MCM3AP: variants seen among roughly 807,000 people sequenced by gnomAD.
The protein encoded by MCM3AP is minichromosome maintenance complex component 3 associated protein, also known as germinal-center associated nuclear protein.
MCM3AP carries 126 observed loss-of-function variants against 184.1 expected under a neutral mutation model. The ratio of observed to expected loss-of-function variants is 0.68; its 90% CI spans 0.59 to 0.79. The LOEUF (loss-of-function observed/expected upper bound fraction) is 0.79. MCM3AP is among the 30% of genes least tolerant of loss of function. MCM3AP has a pLI of 0.00. For missense variants in MCM3AP, 2,496 were observed against 2,479.2 expected, an observed-to-expected ratio of 1.01 and a Z score of -0.14; for synonymous variants, 1,002 against 979.3, an observed-to-expected ratio of 1.02 and a Z score of -0.43.
chr21:46,265,827 G>T, intron 11 of MCM3AP, 98 bp downstream of exon 11: 1 of 1,416,342 alleles, frequency 7.1e-7, no homozygotes, highest in Non-Finnish European at 9.5e-7. Flanking sequence ...GCTCCTGGGA[G>T]GCGTCCTGGC....
intron 26 of MCM3AP, among the ~76,000 whole-genome samples, chr21:46,240,223 A>G (rs1337642127): frequency 1.3e-5 from 2 of 152,192 alleles, no homozygotes; most frequent in Non-Finnish European, 2.9e-5. Context: ...GTTCGTTTCC[A>G]GCAACAAGAG....
chr21:46,243,512 T>C lies in MCM3AP; in HGVS notation c.5249A>G (p.Asn1750Ser). The part of the protein sequence containing the change: ...PWDDLIALCI[N>S]HKLRDWTPPR... Reference sequence around the variant, plus strand: ...GGGCGTCCAGTCTCTCAGCTTGTGGTTGATACACAAGGCGATAAGATCATC... The same window carrying C: ...GGGCGTCCAGTCTCTCAGCTTGTGGCTGATACACAAGGCGATAAGATCATC... The change falls in exon 24 of 28, where the codon AAC becomes AGC. Residue 1750 changes from asparagine to serine, a missense_variant. By Grantham distance (46) the Asn-to-Ser change is conservative. Around this residue, in one of 5 missense-constraint regions of MCM3AP, gnomAD observed 1,323 missense variants for 1,273.4 expected, o/e 1.04. Transcript: ENST00000291688. 1 of 1,614,152 alleles carries C rather than the reference T, an allele frequency of 6.2e-7. No individual in the cohort carries two copies. Among genetic ancestry groups the C allele is most frequent in the Non-Finnish European group, 8.5e-7 (1 of 1,179,986 alleles).
intron 7 of MCM3AP, 53 bp downstream of exon 7, chr21:46,273,335 G>C: frequency 2.0e-6 from 3 of 1,501,214 alleles, no homozygotes; most frequent in South Asian, 1.1e-5. Flanking sequence ...ATATCAGTTT[G>C]ACTTTGGAAT....
intron 14 of MCM3AP, 98 bp from the exon 15 acceptor site, chr21:46,261,004 T>C (rs2081034226): frequency 9.7e-7 from 1 of 1,026,704 alleles, no homozygotes; most frequent in Non-Finnish European, 1.5e-6. Context: ...GATTGAGGTG[T>C]GCTGCCTGAG....
chr21:46,240,641 T>C (rs2080644949), intron 26 of MCM3AP, among the ~76,000 whole-genome samples, 170 bp downstream of exon 26: 1 of 152,388 alleles, frequency 6.6e-6, no homozygotes, highest in African/African-American at 2.4e-5. Flanking sequence ...TCTAGGGCAC[T>C]GCTTCTGTCT....
intron 11 of MCM3AP, among the ~76,000 whole-genome samples, 165 bp from the exon 12 acceptor site, chr21:46,265,688 A>G (rs924887272): frequency 1.3e-5 from 2 of 152,166 alleles, no homozygotes; most frequent in African/African-American, 4.8e-5. Context: ...GCTTTGCATG[A>G]AAAACAAGCC....
chr21:46,273,601 C>T lies in MCM3AP; in HGVS notation c.1999-16G>A, dbSNP rs373054558. On this transcript the variant is annotated splice_polypyrimidine_tract_variant and intron_variant, in intron 6 of 27. Transcript: ENST00000291688. ...CGTGGTCCACCTAGAGACATGAAGC[C>T]GAGACAGGATGCCCATGTGGCATAC... is the stretch of plus-strand genomic sequence containing the variant. 56 of 1,610,574 alleles carry T rather than the reference C, an allele frequency of 3.5e-5. No homozygotes were observed. Among genetic ancestry groups the T allele is most frequent in the Non-Finnish European group, 4.3e-5 (51 of 1,177,806 alleles).
chr21:46,264,637 G>C (rs1486808497), intron 12 of MCM3AP, among the ~76,000 whole-genome samples: 2 of 152,112 alleles, frequency 1.3e-5, no homozygotes, highest in Admixed American at 1.3e-4. Context: ...TGCCCACCCT[G>C]AGGCCACAAC....
At chr21:46,277,200 A>C (rs1044035357) in intron 5 of MCM3AP, among the ~76,000 whole-genome samples, 1 of 152,190 alleles carries the variant, frequency 6.6e-6, no homozygotes, top group East Asian at 1.9e-4. Flanking sequence ...GTAACAGTGT[A>C]AGAATGCCCT....
chr21:46,279,893 T>A, intron 4 of MCM3AP, 100 bp downstream of exon 4: 2 of 1,244,320 alleles, frequency 1.6e-6, no homozygotes, highest in Non-Finnish European at 2.2e-6. Flanking sequence ...TTTTGTCTCC[T>A]CACCACTCCC....
chr21:46,264,300 T>G, intron 12 of MCM3AP, 83 bp from the exon 13 acceptor site: 1 of 842,660 alleles, frequency 1.2e-6, no homozygotes. Context: ...CCGGACAGTC[T>G]GCAGGCGTCT....
intron 4 of MCM3AP, among the ~76,000 whole-genome samples, chr21:46,278,539 A>G (rs2081282982): frequency 6.6e-6 from 1 of 152,244 alleles, no homozygotes; most frequent in African/African-American, 2.4e-5. Context: ...CTTTGAGAAC[A>G]GAGTTCCCCA....
At position 46,254,791 on chromosome 21, in the gene MCM3AP, T is replaced by G; in HGVS notation, c.3986A>C (p.Tyr1329Ser). 6.2e-7 allele frequency: 1 copy of G among 1,613,926 alleles called. No homozygotes were observed. The highest frequency in any genetic ancestry group is 8.5e-7 in the Non-Finnish European group (1 of 1,179,888). Residue 1329 changes from tyrosine to serine, a missense_variant, in exon 18 of 28, where the codon TAC becomes TCC. This residue lies in a region of MCM3AP where 1,323 missense variants were observed against 1,273.4 expected (regional missense o/e 1.04). Coordinates refer to ENST00000291688, the MANE Select transcript of MCM3AP (RefSeq NM_003906.5). ...CATGACAGACCTCAGCAGCTGCTGG[T>G]AGAAGTGCTGAACCTTCATCTGGTG... is the stretch of plus-strand genomic sequence containing the variant. ...TAHQMKVQHFYQQLLSDVAWA... is the reference protein window; with the variant it reads ...TAHQMKVQHFSQQLLSDVAWA...
chr21:46,243,091 T>C, intron 24 of MCM3AP, 160 bp from the exon 25 acceptor site: 1 of 672,914 alleles, frequency 1.5e-6, no homozygotes, highest in Non-Finnish European at 2.5e-6. Flanking sequence ...GCAAGACCTT[T>C]GATTAAAGTC....
intron 16 of MCM3AP, among the ~76,000 whole-genome samples, chr21:46,257,681 G>A (rs1238383253): frequency 6.6e-6 from 1 of 151,944 alleles, no homozygotes; most frequent in Non-Finnish European, 1.5e-5. Flanking sequence ...AGCACTTTGG[G>A]AGGCCGAGGC....
Position 46,285,506 on chromosome 21 carries a change from G to A in MCM3AP, c.-220C>T, listed in dbSNP as rs1222830433. ...TAACTATTTCAAAGGCAGGCAAAGG[G>A]TTATTATTTTCTGAGAGCCGATAGG... On this transcript the variant is annotated 5_prime_UTR_variant, in exon 1 of 28. Coordinates refer to ENST00000291688, the MANE Select transcript of MCM3AP (RefSeq NM_003906.5). 5 of 540,168 alleles carry A rather than the reference G, an allele frequency of 9.3e-6. No individual in the cohort carries two copies. Among genetic ancestry groups the A allele is most frequent in the African/African-American group, 5.7e-5 (3 of 52,770 alleles). The allele number at this position is 540,168 out of a possible 1,614,324, so 33.5% of individuals were successfully genotyped here.
intron 9 of MCM3AP, among the ~76,000 whole-genome samples, chr21:46,269,072 T>C (rs1268534687): frequency 6.6e-6 from 1 of 152,140 alleles, no homozygotes; most frequent in Non-Finnish European, 1.5e-5. Flanking sequence ...TTAAAAATGG[T>C]CAACATTCTA....
chr21:46,266,441 G>A (rs1601527095), intron 10 of MCM3AP: 2 of 334,028 alleles, frequency 6.0e-6, no homozygotes, highest in Non-Finnish European at 1.1e-5. Context: ...GGACAGAACT[G>A]GAAGGAGGAG....
At chr21:46,241,509 A>G (rs17183304) in intron 25 of MCM3AP, 5 of 157,248 alleles carry the variant, frequency 3.2e-5, no homozygotes, top group African/African-American at 1.2e-4. Context: ...ACTAATTTCA[A>G]TAATTTGGCC....
Sources: allele counts gnomAD v4.1 joint callset (sites outside exome capture counted in the v4.1 genomes callset), GRCh38; gene constraint gnomAD v4.1.1; regional missense constraint gnomAD v4.1.1; transcripts MANE v1.5; gene names NCBI Gene and HGNC (gene_info 2026-07-23, HGNC 2026-07-21).